Variants in TBL1X observed in about 807,000 individuals in gnomAD.
TBL1X encodes F-box-like/WD repeat-containing protein TBL1X.
A neutral mutation model predicts 50.7 loss-of-function variants in TBL1X; 10 were observed. The ratio of observed to expected loss-of-function variants is 0.20; its 90% CI spans 0.12 to 0.33. The LOEUF is 0.33. TBL1X is among the 10% of genes least tolerant of loss of function. TBL1X has a pLI of 1.00. For missense variants in TBL1X, 340 were observed against 504.4 expected (o/e 0.67, Z 3.12); for synonymous variants, 190 against 214.7 (o/e 0.88, Z 1.01).
intron 2 of TBL1X, among the ~76,000 whole-genome samples, chrX:9,609,737 G>A (rs752435288): frequency 9.0e-6 from 1 of 111,351 alleles, no homozygotes; most frequent in South Asian, 3.8e-4. Flanking sequence ...TGGGGCACAG[G>A]CCTCTCCAAC....
At chrX:9,619,289 T>C (rs755620399) in intron 2 of TBL1X, among the ~76,000 whole-genome samples, 59 of 112,357 alleles carry the variant, frequency 5.3e-4, no homozygotes, top group African/African-American at 1.7e-3. Context: ...GTTTGTTTGT[T>C]CTAAGCGAAA....
intron 2 of TBL1X, among the ~76,000 whole-genome samples, chrX:9,604,062 T>C (rs1050991282): frequency 9.0e-5 from 10 of 111,608 alleles, no homozygotes; most frequent in African/African-American, 3.3e-4. Flanking sequence ...GTTAGGACTT[T>C]AGCATGTGAT....
chrX:9,711,846 T>C (rs1049864902), intron 16 of TBL1X, 70 bp downstream of exon 16: 1 of 1,099,229 alleles, frequency 9.1e-7, no homozygotes, highest in Non-Finnish European at 1.2e-6. Flanking sequence ...TCCAGTGCCC[T>C]TGGCTCAGAG....
At chrX:9,613,842 C>T (rs1157188951) in intron 2 of TBL1X, among the ~76,000 whole-genome samples, 4 of 108,559 alleles carry the variant, frequency 3.7e-5, no homozygotes, top group African/African-American at 3.4e-5. Flanking sequence ...AAAAATTAGC[C>T]GGGCATGGTG....
chrX:9,592,541 T>C (rs1209191241), intron 2 of TBL1X, among the ~76,000 whole-genome samples: 1 of 111,866 alleles, frequency 8.9e-6, no homozygotes, highest in Non-Finnish European at 1.9e-5. Context: ...TTCACAATGT[T>C]GTGTAGCCAT....
intron 2 of TBL1X, among the ~76,000 whole-genome samples, chrX:9,605,291 A>G (rs980421073): frequency 1.8e-5 from 2 of 112,206 alleles, no homozygotes; most frequent in African/African-American, 3.2e-5. Flanking sequence ...AGTTCCGCCT[A>G]TTCTGGGTAT....
At chrX:9,555,080 T>G (rs886115096) in intron 2 of TBL1X, among the ~76,000 whole-genome samples, 2 of 111,711 alleles carry the variant, frequency 1.8e-5, no homozygotes, top group African/African-American at 6.5e-5. Context: ...TTTTATTTTA[T>G]TTTGTGTTTT....
chrX:9,656,144 C>T (rs777060705), intron 5 of TBL1X, among the ~76,000 whole-genome samples: 1 of 112,556 alleles, frequency 8.9e-6, no homozygotes, highest in Non-Finnish European at 1.9e-5. Context: ...TCTGCTAATA[C>T]CTCAACCTCG....
chrX:9,506,515 G>C (rs2082026716), intron 2 of TBL1X, among the ~76,000 whole-genome samples: 1 of 111,313 alleles, frequency 9.0e-6, no homozygotes, highest in African/African-American at 3.3e-5. Context: ...TCCAGGAGCT[G>C]GTTTTTTGAA....
intron 1 of TBL1X, among the ~76,000 whole-genome samples, chrX:9,496,222 G>C (rs1697523133): frequency 1.8e-5 from 2 of 112,124 alleles, no homozygotes; most frequent in South Asian, 7.3e-4. Context: ...AGATGAAAGA[G>C]AGGTGGGGAC....
intron 3 of TBL1X, among the ~76,000 whole-genome samples, chrX:9,646,905 T>C (rs1326759053): frequency 8.9e-6 from 1 of 112,361 alleles, no homozygotes; most frequent in Non-Finnish European, 1.9e-5. Context: ...CTTCGCTGTT[T>C]CAGAACACGG....
intron 2 of TBL1X, among the ~76,000 whole-genome samples, chrX:9,544,408 G>A (rs777821623): frequency 4.5e-5 from 5 of 111,723 alleles, no homozygotes; most frequent in Admixed American, 9.4e-5. Context: ...CAGCATGTAC[G>A]TGGCTGGGAG....
chrX:9,643,319 G>C (rs2082785868), intron 3 of TBL1X, among the ~76,000 whole-genome samples: 1 of 111,360 alleles, frequency 9.0e-6, no homozygotes, highest in African/African-American at 3.3e-5. Flanking sequence ...TCAAACGTGA[G>C]GAGATTGAGG....
At chrX:9,496,137 C>T (rs140469230) in intron 1 of TBL1X, among the ~76,000 whole-genome samples, 22 of 112,219 alleles carry the variant, frequency 2.0e-4, no homozygotes, top group South Asian at 3.7e-4. Context: ...CCAGTGTGTC[C>T]GTTTGGCCCT....
At chrX:9,492,165 T>C (rs58457035) in intron 1 of TBL1X, among the ~76,000 whole-genome samples, 18,650 of 111,242 alleles carry the variant, frequency 0.17, 1,222 homozygotes, top group South Asian at 0.33. Context: ...GAGACGAAGG[T>C]TTCTTTTCTT....
upstream of TBL1X, among the ~76,000 whole-genome samples, chrX:9,463,985 G>A (rs775826787): frequency 8.3e-4 from 93 of 112,300 alleles, no homozygotes; most frequent in Non-Finnish European, 1.4e-3. Flanking sequence ...GTTCGAGGAA[G>A]AGCAAGTGAG....
chrX:9,531,003 C>T (rs1163645643), intron 2 of TBL1X: 1 of 111,925 alleles, frequency 8.9e-6, no homozygotes, highest in Non-Finnish European at 1.9e-5. Flanking sequence ...GCAGCTAACC[C>T]TTGAGCGGGA....
chrX:9,543,280 T>C (rs773732512), intron 2 of TBL1X, among the ~76,000 whole-genome samples: 10 of 111,801 alleles, frequency 8.9e-5, no homozygotes, highest in African/African-American at 3.2e-4. Flanking sequence ...AAGTCTGTTG[T>C]CTAGGGGAAG....
At chrX:9,481,546 G>C (rs1434460458) in intron 1 of TBL1X, among the ~76,000 whole-genome samples, 1 of 111,820 alleles carries the variant, frequency 8.9e-6, no homozygotes, top group Non-Finnish European at 1.9e-5. Flanking sequence ...TGGAGACACT[G>C]GTTATTTTAC....
Sources: gnomAD v4.1 joint callset for allele counts (sites outside exome capture counted in the v4.1 genomes callset) on GRCh38, gnomAD v4.1.1 for gene constraint, MANE v1.5 for transcripts, NCBI Gene and HGNC (gene_info 2026-07-23, HGNC 2026-07-21) for gene names.